The following EYA2 variants were observed in gnomAD, a reference collection of about 807,000 sequenced individuals.
EYA2 encodes the protein protein phosphatase EYA2.
A neutral mutation model predicts 69.2 loss-of-function variants in EYA2; 31 were observed. The ratio of observed to expected loss-of-function variants is 0.45; its 90% CI spans 0.34 to 0.60. EYA2 has a LOEUF of 0.60. EYA2 is among the 20% of genes least tolerant of loss of function. The pLI is 0.02. For missense variants in EYA2, 622 were observed against 701.2 expected (o/e 0.89, Z 1.28); for synonymous variants, 257 against 279.4 (o/e 0.92, Z 0.80).
chr20:46,992,011 G>A (rs1981702627), intron 2 of EYA2, among the ~76,000 whole-genome samples: 1 of 44,488 alleles, frequency 2.2e-5, no homozygotes, highest in African/African-American at 6.4e-5. Flanking sequence ...GCAACCCTGG[G>A]CCCCCACATT....
intron 7 of EYA2, among the ~76,000 whole-genome samples, chr20:47,075,076 G>A (rs1219753003): frequency 3.3e-5 from 5 of 152,326 alleles, no homozygotes; most frequent in Admixed American, 1.3e-4. Context: ...GCGCCATTGC[G>A]CTCCAGCCTG....
At chr20:47,131,114 CTA>C (rs1020453483) in intron 9 of EYA2, among the ~76,000 whole-genome samples, 5 of 152,118 alleles carry the variant, frequency 3.3e-5, no homozygotes, top group Non-Finnish European at 5.9e-5. Flanking sequence ...CAAAAATACT[CTA>C]TGTTTACTTC....
chr20:46,985,857 C>A lies in EYA2; in HGVS notation c.-10-4144C>A, dbSNP rs781588040. ...GGCAACTACCTCAAATATTTTTAAA[C>A]CCTAGGGAGTGGGGAAAACAATTCA... On this transcript the variant is annotated intron_variant, in intron 1 of 15. Coordinates refer to ENST00000327619, the MANE Select transcript of EYA2 (RefSeq NM_005244.5). Among the ~76,000 whole-genome samples the A allele has an allele frequency of 3.5e-4, 54 of 152,138 alleles. 1 individual carries two copies. Among genetic ancestry groups the A allele is most frequent in the Admixed American group, 1.4e-3 (21 of 15,274 alleles).
intron 9 of EYA2, among the ~76,000 whole-genome samples, chr20:47,100,363 G>A (rs1291223276): frequency 1.3e-5 from 2 of 152,200 alleles, no homozygotes; most frequent in Non-Finnish European, 2.9e-5. Context: ...GAGCAGAGGA[G>A]GACTGCCCTC....
In EYA2 at chr20:47,028,527, T is replaced by A. The variant is rs144252054; in HGVS notation, c.415+12230T>A. 4.1e-4 allele frequency among the ~76,000 whole-genome samples: 63 copies of A among 152,314 alleles called. 1 individual carries two copies. The highest frequency in any genetic ancestry group is 1.5e-3 in the African/African-American group (61 of 41,580). ...AGCTGGTGCCTTCATATAGCCGTCA[T>A]CCCAGTAGATATTAAGGGAGCATCT... On this transcript the variant is annotated intron_variant, in intron 5 of 15. Coordinates refer to ENST00000327619, the MANE Select transcript of EYA2 (RefSeq NM_005244.5).
intron 9 of EYA2, among the ~76,000 whole-genome samples, chr20:47,128,321 C>T (rs1318542779): frequency 6.6e-6 from 1 of 152,148 alleles, no homozygotes; most frequent in African/African-American, 2.4e-5. Context: ...GGTTTCCCAC[C>T]CTGTGGGCTC....
chr20:47,114,610 C>T (rs765543877), intron 9 of EYA2, among the ~76,000 whole-genome samples: 7 of 152,246 alleles, frequency 4.6e-5, no homozygotes, highest in Non-Finnish European at 1.0e-4. Flanking sequence ...AGCAAGACTC[C>T]TTCAAATAAT....
Position 47,108,803 on chromosome 20 carries a change from C to T in EYA2, c.888+11635C>T, listed in dbSNP as rs367893728. 1.4e-3 allele frequency among the ~76,000 whole-genome samples: 220 copies of T among 152,158 alleles called. 1 individual carries two copies. Among genetic ancestry groups the T allele is most frequent in the African/African-American group, 4.7e-3 (193 of 41,504 alleles). On this transcript the variant is annotated intron_variant, in intron 9 of 15. Transcript: ENST00000327619. ...CTCCTGGGCTCAAGCGATCCTCCCC[C>T]CTCAGCTTTCCAAGGTGCTGGGATT...
chr20:47,117,519 A>G (rs1233088064), intron 9 of EYA2: 14 of 985,344 alleles, frequency 1.4e-5, no homozygotes, highest in Non-Finnish European at 1.7e-5. Flanking sequence ...CGCGGGTGTT[A>G]TTACGTGATT....
At chr20:46,919,315 A>G (rs777406800) in intron 1 of EYA2, among the ~76,000 whole-genome samples, 3 of 152,250 alleles carry the variant, frequency 2.0e-5, no homozygotes, top group Non-Finnish European at 4.4e-5. Flanking sequence ...CCTAGATGGG[A>G]TCTTCTTCCA....
intron 7 of EYA2, among the ~76,000 whole-genome samples, chr20:47,076,165 C>G (rs1219655976): frequency 6.6e-6 from 1 of 152,236 alleles, no homozygotes; most frequent in African/African-American, 2.4e-5. Context: ...TGAACATACA[C>G]ATGCATGTGT....
chr20:47,013,572 A>C (rs1325250201), intron 4 of EYA2, among the ~76,000 whole-genome samples: 3 of 152,238 alleles, frequency 2.0e-5, no homozygotes, highest in Non-Finnish European at 4.4e-5. Context: ...CCTGGAGTTC[A>C]TCATCAGGGA....
intron 1 of EYA2, among the ~76,000 whole-genome samples, chr20:46,934,443 G>A (rs973969040): frequency 1.3e-5 from 2 of 152,048 alleles, no homozygotes; most frequent in African/African-American, 4.8e-5. Flanking sequence ...CTCTTTCCCA[G>A]TAGCTCTCCC....
chr20:47,014,744 C>G (rs894889670), intron 4 of EYA2, among the ~76,000 whole-genome samples: 2 of 150,572 alleles, frequency 1.3e-5, no homozygotes, highest in Non-Finnish European at 3.0e-5. Flanking sequence ...AATATATTTT[C>G]TGCATGTATA....
intron 14 of EYA2, 124 bp downstream of exon 14, chr20:47,181,060 T>G: frequency 7.4e-7 from 1 of 1,357,220 alleles, no homozygotes; most frequent in Non-Finnish European, 9.9e-7. Context: ...CCTATGGCCA[T>G]GACTCAGATT....
chr20:47,099,028 C>T (rs906138970), intron 9 of EYA2, among the ~76,000 whole-genome samples: 10 of 152,218 alleles, frequency 6.6e-5, no homozygotes, highest in African/African-American at 2.2e-4. Context: ...GAGGTAATCC[C>T]AGGAAGTAGT....
intron 5 of EYA2, among the ~76,000 whole-genome samples, chr20:47,051,471 G>A (rs777196385): frequency 1.5e-4 from 23 of 152,276 alleles, no homozygotes; most frequent in Non-Finnish European, 2.5e-4. Flanking sequence ...ACAAGCCCCC[G>A]AGGCAGACAC....
intron 1 of EYA2, among the ~76,000 whole-genome samples, chr20:46,941,676 G>A (rs1019416952): frequency 3.9e-5 from 6 of 152,170 alleles, no homozygotes; most frequent in Admixed American, 3.3e-4. Flanking sequence ...TTATCTTAAA[G>A]GCTTGTCCTG....
At chr20:47,179,734 C>A in intron 12 of EYA2, 64 bp from the exon 13 acceptor site, 2 of 1,202,808 alleles carry the variant, frequency 1.7e-6, no homozygotes, top group Non-Finnish European at 2.4e-6. Context: ...GATTCCTGTT[C>A]CCTACCTTCA....
Sources: gnomAD v4.1 joint callset for allele counts (sites outside exome capture counted in the v4.1 genomes callset) on GRCh38, gnomAD v4.1.1 for gene constraint, MANE v1.5 for transcripts, NCBI Gene and HGNC (gene_info 2026-07-23, HGNC 2026-07-21) for gene names.